The following PKN2 variants were observed in gnomAD, a reference collection of about 807,000 sequenced individuals.
The protein encoded by PKN2 is serine/threonine-protein kinase N2.
In PKN2, 38 loss-of-function variants were observed where a neutral mutation model predicts 119.1. The observed-to-expected ratio is 0.32, with a 90% CI of 0.25 to 0.42. The LOEUF (loss-of-function observed/expected upper bound fraction) is 0.42. PKN2 is among the 10% of genes least tolerant of loss of function. PKN2 has a pLI of 1.00. For missense variants in PKN2, 850 were observed against 1,165.1 expected, an observed-to-expected ratio of 0.73 and a Z score of 3.94; for synonymous variants, 390 against 384.9, an observed-to-expected ratio of 1.01 and a Z score of -0.15.
At position 88,685,306 on chromosome 1, in the gene PKN2, C is replaced by T. The variant is rs541835143; in HGVS notation, c.48+678C>T. 3 of 151,770 alleles carry T rather than the reference C, an allele frequency of 2.0e-5. No homozygotes were observed. In the South Asian group the frequency reaches 6.2e-4, roughly 32 times the overall value. 9.4% of individuals were successfully genotyped at this position (151,770 alleles called of 1,614,324 possible). Reference sequence around the variant, plus strand: ...ATACAGGGTGCCTTTCTCTGCTACCCCTGCCCAGATCCGGGAGCTCAGATG... The same window carrying T: ...ATACAGGGTGCCTTTCTCTGCTACCTCTGCCCAGATCCGGGAGCTCAGATG... On this transcript the variant is annotated intron_variant, in intron 1 of 21. Coordinates refer to ENST00000370521, the MANE Select transcript of PKN2 (RefSeq NM_006256.4).
chr1:88,763,270 T>G (rs768456982), intron 3 of PKN2, among the ~76,000 whole-genome samples: 2 of 152,230 alleles, frequency 1.3e-5, no homozygotes, highest in African/African-American at 2.4e-5. Context: ...AGGGAGCTCC[T>G]TTTCGCAGGG....
At chr1:88,749,235 C>T (rs1668890484) in intron 2 of PKN2, among the ~76,000 whole-genome samples, 1 of 152,012 alleles carries the variant, frequency 6.6e-6, no homozygotes. Flanking sequence ...AGTTTTCAAA[C>T]ATTAAGATAT....
chr1:88,792,617 C>T (rs1017049845), intron 8 of PKN2, among the ~76,000 whole-genome samples: 1 of 152,144 alleles, frequency 6.6e-6, no homozygotes, highest in Non-Finnish European at 1.5e-5. Context: ...GACCAGAAGC[C>T]TTATTGATAA....
chr1:88,822,684 T>C (rs2100918250), intron 17 of PKN2, among the ~76,000 whole-genome samples: 1 of 151,496 alleles, frequency 6.6e-6, no homozygotes, highest in African/African-American at 2.4e-5. Flanking sequence ...GTTCAAGCGA[T>C]TCTCCTGCCT....
chr1:88,781,151 A>G (rs769751402), intron 6 of PKN2: 4 of 1,280,068 alleles, frequency 3.1e-6, no homozygotes, highest in South Asian at 2.5e-5. Flanking sequence ...AAAGATGAAC[A>G]TGGATGAATA....
chr1:88,726,563 A>G (rs1353214158), intron 1 of PKN2, among the ~76,000 whole-genome samples: 3 of 152,146 alleles, frequency 2.0e-5, no homozygotes, highest in Admixed American at 6.5e-5. Flanking sequence ...CTTCGGTACT[A>G]TATTCAATTT....
chr1:88,758,875 C>T (rs966080893), intron 2 of PKN2, among the ~76,000 whole-genome samples: 3 of 151,992 alleles, frequency 2.0e-5, no homozygotes, highest in East Asian at 1.9e-4. Context: ...TATGACAGAA[C>T]GATTTATATT....
chr1:88,807,992 A>T (rs1671618917), intron 15 of PKN2, among the ~76,000 whole-genome samples: 1 of 152,148 alleles, frequency 6.6e-6, no homozygotes, highest in Non-Finnish European at 1.5e-5. Flanking sequence ...ATACCAAAAA[A>T]AGATAGTGAA....
At chr1:88,686,034 A>G (rs1213871778) in intron 1 of PKN2, among the ~76,000 whole-genome samples, 1 of 152,190 alleles carries the variant, frequency 6.6e-6, no homozygotes, top group African/African-American at 2.4e-5. Context: ...ATAATTGAAA[A>G]TGTTGCTATG....
chr1:88,813,469 T>A, intron 15 of PKN2, 88 bp from the exon 16 acceptor site: 1 of 973,216 alleles, frequency 1.0e-6, no homozygotes, highest in South Asian at 2.0e-5. Flanking sequence ...AAATTTTGCT[T>A]ATTTTTAAGT....
intron 12 of PKN2, among the ~76,000 whole-genome samples, chr1:88,807,033 T>G (rs1274167989): frequency 6.6e-6 from 1 of 152,102 alleles, no homozygotes; most frequent in Non-Finnish European, 1.5e-5. Context: ...TTTCATATTT[T>G]TTAGATAAGT....
intron 18 of PKN2, among the ~76,000 whole-genome samples, chr1:88,828,225 CAAG>C (rs1672588361): frequency 6.6e-6 from 1 of 152,102 alleles, no homozygotes; most frequent in Non-Finnish European, 1.5e-5. Context: ...CTTGTAATGA[CAAG>C]AAGAAAAAGT....
intron 8 of PKN2, among the ~76,000 whole-genome samples, chr1:88,794,557 T>C (rs2100849742): frequency 6.6e-6 from 1 of 152,266 alleles, no homozygotes; most frequent in East Asian, 1.9e-4. Flanking sequence ...GCTGAGACCA[T>C]GCCACTGCAT....
At chr1:88,813,854 T>C (rs537328168) in intron 16 of PKN2, 121 bp downstream of exon 16, 2 of 714,122 alleles carry the variant, frequency 2.8e-6, no homozygotes, top group African/African-American at 1.9e-5. Context: ...CTGCAAGAAA[T>C]ACTAGAACTC....
At chr1:88,773,661 C>T (rs1370545749) in intron 6 of PKN2, among the ~76,000 whole-genome samples, 1 of 152,100 alleles carries the variant, frequency 6.6e-6, no homozygotes, top group Non-Finnish European at 1.5e-5. Flanking sequence ...CACCTGTAGT[C>T]CCAGCTACTT....
chr1:88,815,401 A>G (rs753890691), intron 16 of PKN2: 5 of 344,236 alleles, frequency 1.5e-5, no homozygotes, highest in African/African-American at 1.1e-4. Context: ...TCACATCACT[A>G]ACCAATTCAG....
intron 8 of PKN2, among the ~76,000 whole-genome samples, chr1:88,786,883 C>T (rs891933507): frequency 1.3e-5 from 2 of 151,654 alleles, no homozygotes; most frequent in Non-Finnish European, 2.9e-5. Flanking sequence ...ATTTACAATG[C>T]TTAACTATGT....
intron 6 of PKN2, among the ~76,000 whole-genome samples, chr1:88,775,931 T>C (rs1037884195): frequency 3.3e-5 from 5 of 151,408 alleles, no homozygotes; most frequent in Non-Finnish European, 7.4e-5. Context: ...TGGTGAAACC[T>C]CATCTCTACT....
chr1:88,723,956 A>G (rs1163508578), intron 1 of PKN2, among the ~76,000 whole-genome samples: 1 of 152,054 alleles, frequency 6.6e-6, no homozygotes, highest in Non-Finnish European at 1.5e-5. Context: ...TCAATTTTAG[A>G]GATAAGGAGA....
Sources: allele counts gnomAD v4.1 joint callset (sites outside exome capture counted in the v4.1 genomes callset), GRCh38; gene constraint gnomAD v4.1.1; transcripts MANE v1.5; gene names NCBI Gene and HGNC (gene_info 2026-07-23, HGNC 2026-07-21).